CHRM3: variants seen among roughly 807,000 people sequenced by gnomAD.
The protein encoded by CHRM3 is cholinergic receptor muscarinic 3.
A neutral mutation model predicts 41.8 loss-of-function variants in CHRM3; 11 were observed. The observed-to-expected ratio is 0.26, with a 90% confidence interval of 0.17 to 0.44. CHRM3 has a LOEUF of 0.44. Among genes scored for constraint, CHRM3 ranks in the 20% least tolerant of loss-of-function variants. The pLI, the probability that CHRM3 is intolerant of heterozygous loss-of-function variation, is 1.00. For synonymous variants in CHRM3, 297 were observed against 301.4 expected (o/e 0.99, Z 0.15); for missense variants, 571 against 745.4 (o/e 0.77, Z 2.72).
chr1:239,740,767 T>C (rs935443882), intron 5 of CHRM3, among the ~76,000 whole-genome samples: 2 of 152,154 alleles, frequency 1.3e-5, no homozygotes, highest in East Asian at 1.9e-4. Context: ...CATAATGAGA[T>C]ACCATTTCAC....
Position 239,748,224 on chromosome 1 carries a change from ATGTAT to A in CHRM3, c.-147+69942_-147+69946del, listed in dbSNP as rs1431031746. On this transcript the variant is annotated intron_variant, in intron 5 of 6. Transcript: ENST00000676153. The surrounding 1 kb of genome is among the most constrained non-coding windows in gnomAD (Gnocchi z 4.3). ...CACCCGTTATCTGCACTAATTGAAGATGTATTGTATATCGTTAAATAACTGCTTTT... is the reference window on the plus strand; with the variant it reads ...CACCCGTTATCTGCACTAATTGAAGATGTATATCGTTAAATAACTGCTTTT... Among the ~76,000 whole-genome samples the A allele has an allele frequency of 1.3e-5, 2 of 152,228 alleles. No individual in the cohort carries two copies. The highest frequency in any genetic ancestry group is 6.5e-5 in the Admixed American group (1 of 15,278).
At chr1:239,880,602 C>A (rs1323620373) in intron 6 of CHRM3, among the ~76,000 whole-genome samples, 1 of 152,148 alleles carries the variant, frequency 6.6e-6, no homozygotes, top group Non-Finnish European at 1.5e-5. Context: ...CCAAAGTCAT[C>A]CTCCTCAGCC....
intron 2 of CHRM3, among the ~76,000 whole-genome samples, chr1:239,498,416 T>G (rs563231712): frequency 6.6e-6 from 1 of 152,226 alleles, no homozygotes; most frequent in African/African-American, 2.4e-5. Context: ...CAAAAAATGG[T>G]TTATTTCATA....
intron 5 of CHRM3, among the ~76,000 whole-genome samples, chr1:239,790,431 A>C (rs1277024164): frequency 3.9e-5 from 6 of 152,244 alleles, no homozygotes; most frequent in Non-Finnish European, 1.5e-5. Context: ...GTAGTGAATA[A>C]ATCTCATGAG....
At position 239,406,073 on chromosome 1, in the gene CHRM3, G is replaced by A. The variant is rs537397312; in HGVS notation, c.-521+18846G>A. Among the ~76,000 whole-genome samples the A allele has an allele frequency of 7.7e-4, 117 of 152,188 alleles. 1 individual carries two copies. Among genetic ancestry groups the A allele is most frequent in the Middle Eastern group, 6.8e-3 (2 of 294 alleles). On this transcript the variant is annotated intron_variant, in intron 1 of 6. Coordinates refer to ENST00000676153, the MANE Select transcript of CHRM3 (RefSeq NM_001375978.1). ...TGTCTGGCTAATTTTTGTATTTTTA[G>A]TTGAGAAGGGGTTTCACCATGTTGG...
intron 3 of CHRM3, among the ~76,000 whole-genome samples, chr1:239,573,793 A>G (rs566635543): frequency 1.3e-5 from 2 of 152,290 alleles, no homozygotes; most frequent in Admixed American, 6.5e-5. Context: ...TTATGCATAT[A>G]TTAATCATGT....
At chr1:239,862,129 A>T (rs1675691689) in intron 6 of CHRM3, among the ~76,000 whole-genome samples, 1 of 152,202 alleles carries the variant, frequency 6.6e-6, no homozygotes, top group African/African-American at 2.4e-5. Flanking sequence ...AGAGGTTGCA[A>T]AACCTTCTGA....
At chr1:239,651,675 A>G (rs1050416611) in intron 4 of CHRM3, among the ~76,000 whole-genome samples, 1 of 152,216 alleles carries the variant, frequency 6.6e-6, no homozygotes, top group Non-Finnish European at 1.5e-5. Context: ...AAGGATCAGC[A>G]GCAGCAGCAT....
chr1:239,525,008 C>G (rs1669899938), intron 2 of CHRM3, among the ~76,000 whole-genome samples: 1 of 152,104 alleles, frequency 6.6e-6, no homozygotes, highest in African/African-American at 2.4e-5. Context: ...TTACAATGTA[C>G]TAACCGGATT....
chr1:239,611,279 C>A (rs772485836), intron 3 of CHRM3, among the ~76,000 whole-genome samples: 5 of 152,068 alleles, frequency 3.3e-5, no homozygotes, highest in Non-Finnish European at 5.9e-5. Flanking sequence ...AAATTGTAAA[C>A]TGAGTCCTTC....
chr1:239,870,874 G>A (rs767166568), intron 6 of CHRM3, among the ~76,000 whole-genome samples: 1 of 151,968 alleles, frequency 6.6e-6, no homozygotes, highest in African/African-American at 2.4e-5. Context: ...ATTAGTTTTC[G>A]CCTAAGGCAT....
intron 4 of CHRM3, among the ~76,000 whole-genome samples, chr1:239,648,905 G>A (rs186431877): frequency 7.9e-5 from 12 of 152,212 alleles, no homozygotes; most frequent in East Asian, 7.7e-4. Context: ...ATTATAGATC[G>A]TAACATTAGT....
chr1:239,688,712 C>T (rs1409396038), intron 5 of CHRM3, among the ~76,000 whole-genome samples: 2 of 129,966 alleles, frequency 1.5e-5, no homozygotes, highest in South Asian at 2.2e-4. Context: ...ATATATAATA[C>T]ATTATTCAAT....
At chr1:239,528,783 C>T (rs1371113969) in intron 2 of CHRM3, among the ~76,000 whole-genome samples, 1 of 152,026 alleles carries the variant, frequency 6.6e-6, no homozygotes, top group Non-Finnish European at 1.5e-5. Flanking sequence ...GTCCCAGCTA[C>T]TCGGTAGGCT....
chr1:239,424,318 T>C (rs1003087534), intron 1 of CHRM3, among the ~76,000 whole-genome samples: 1 of 152,086 alleles, frequency 6.6e-6, no homozygotes, highest in Non-Finnish European at 1.5e-5. Context: ...AACATAATCA[T>C]TCATTAATGA....
intron 6 of CHRM3, among the ~76,000 whole-genome samples, chr1:239,835,136 C>T (rs1673205313): frequency 6.6e-6 from 1 of 152,192 alleles, no homozygotes; most frequent in Non-Finnish European, 1.5e-5. Context: ...ATGTTTCCCC[C>T]TTTAGCAGTG....
At chr1:239,515,549 A>T (rs552507902) in intron 2 of CHRM3, among the ~76,000 whole-genome samples, 1 of 152,204 alleles carries the variant, frequency 6.6e-6, no homozygotes, top group East Asian at 1.9e-4. Flanking sequence ...ATAAACAAAG[A>T]GGGAATTATT....
chr1:239,832,924 G>A (rs78496590), intron 6 of CHRM3, among the ~76,000 whole-genome samples: 2,515 of 152,156 alleles, frequency 0.017, 76 homozygotes, highest in African/African-American at 0.057. Flanking sequence ...TCCCTTTACC[G>A]TAAACATCAA....
chr1:239,599,323 T>C (rs10925921), intron 3 of CHRM3, among the ~76,000 whole-genome samples: 126,700 of 152,104 alleles, frequency 0.83, 54,718 homozygotes, highest in Non-Finnish European at 0.93. Flanking sequence ...TATGGCTTCT[T>C]ATCCATTGTC....
Sources: gnomAD v4.1 joint callset for allele counts (sites outside exome capture counted in the v4.1 genomes callset) on GRCh38, gnomAD v4.1.1 for gene constraint, Gnocchi (gnomAD v3.1) non-coding constraint, MANE v1.5 for transcripts, NCBI Gene and HGNC (gene_info 2026-07-23, HGNC 2026-07-21) for gene names.